Variants in FBXW11 observed in about 807,000 individuals in gnomAD.
FBXW11 encodes F-box and WD repeat domain containing 11.
FBXW11 carries 19 observed loss-of-function variants against 77.6 expected under a neutral mutation model. The ratio of observed to expected loss-of-function variants is 0.24; its 90% CI spans 0.17 to 0.36. The LOEUF (loss-of-function observed/expected upper bound fraction) is 0.36. Ranked by LOEUF, FBXW11 falls within the 10% of genes least tolerant of loss-of-function variation. The probability of loss-of-function intolerance (pLI) is 1.00; values close to 1 mark genes in which losing one functional copy is unlikely to be tolerated. For missense variants in FBXW11, 334 were observed against 704.2 expected, an observed-to-expected ratio of 0.47 and a Z score of 5.95; for synonymous variants, 235 against 249.4, an observed-to-expected ratio of 0.94 and a Z score of 0.54.
intron 3 of FBXW11, among the ~76,000 whole-genome samples, chr5:171,911,542 C>T (rs1350397856): frequency 6.6e-6 from 1 of 152,180 alleles, no homozygotes. Flanking sequence ...GTTTCAATCT[C>T]CTCCATACTT....
intron 4 of FBXW11, among the ~76,000 whole-genome samples, chr5:171,909,293 C>CA (rs1760735014): frequency 6.6e-6 from 1 of 151,906 alleles, no homozygotes; most frequent in Non-Finnish European, 1.5e-5. Flanking sequence ...TTGAGAAAAA[C>CA]AAAAAGGTGG....
At chr5:171,878,578 G>GTGTGTGTGTGTGTA (rs1758269745) in intron 7 of FBXW11, among the ~76,000 whole-genome samples, 1 of 67,836 alleles carries the variant, frequency 1.5e-5, no homozygotes, top group African/African-American at 3.7e-5. Flanking sequence ...GTGTGTGTGT[G>GTGTGTGTGTGTGTA]TGTGTGTGTG....
intron 1 of FBXW11, among the ~76,000 whole-genome samples, chr5:171,975,704 A>AG (rs1764791575): frequency 6.6e-6 from 1 of 152,226 alleles, no homozygotes; most frequent in South Asian, 2.1e-4. Context: ...TAAAAGAAAC[A>AG]GGGGGTGTAA....
At chr5:171,973,393 A>G (rs1034834551) in intron 1 of FBXW11, among the ~76,000 whole-genome samples, 7 of 152,360 alleles carry the variant, frequency 4.6e-5, no homozygotes, top group Non-Finnish European at 1.0e-4. Flanking sequence ...CTGTGACCTA[A>G]GTCTGGATCC....
chr5:171,891,467 C>CTA lies in FBXW11; in HGVS notation c.851_852insTA (p.Lys284AsnfsTer12). The stretch of plus-strand genomic sequence containing the variant: ...ATACATAAAAAATTCAGTCATTCAC[C>CTA]TTAATAGAATTATCTCGTAGGCCAC... On this transcript the variant is annotated frameshift_variant and splice_region_variant, in exon 7 of 14. Coordinates refer to ENST00000517395, the MANE Select transcript of FBXW11 (RefSeq NM_001378974.1). LOFTEE classifies it high-confidence loss of function. 6.3e-7 allele frequency: 1 copy of CTA among 1,588,906 alleles called. No homozygotes were observed. Among genetic ancestry groups the CTA allele is most frequent in the Non-Finnish European group, 8.6e-7 (1 of 1,169,580 alleles).
chr5:171,957,908 A>G (rs1411399243), intron 1 of FBXW11, among the ~76,000 whole-genome samples: 1 of 152,144 alleles, frequency 6.6e-6, no homozygotes, highest in Non-Finnish European at 1.5e-5. Context: ...GCCAACCACT[A>G]ATTTCTCAGG....
At chr5:171,930,287 A>G (rs1332856176) in intron 2 of FBXW11, among the ~76,000 whole-genome samples, 1 of 152,238 alleles carries the variant, frequency 6.6e-6, no homozygotes, top group East Asian at 1.9e-4. Flanking sequence ...AACGTGATAA[A>G]GAACACCTGC....
At position 171,987,124 on chromosome 5, in the gene FBXW11, C is replaced by T. The variant is rs563078316; in HGVS notation, c.45+19334G>A. On this transcript the variant is annotated intron_variant, in intron 1 of 13. Transcript: ENST00000517395. ...GTGGAACAGTTCCATCCCCACTCCC[C>T]GTGCCTGGTCTGTGGAAAAACTGTC... Among the ~76,000 whole-genome samples the T allele has an allele frequency of 2.0e-5, 3 of 152,296 alleles. No individual in the cohort carries two copies. In the East Asian group the frequency reaches 5.8e-4, roughly 29 times the overall value.
At chr5:171,922,557 T>C (rs1429041729) in intron 2 of FBXW11, among the ~76,000 whole-genome samples, 1 of 152,210 alleles carries the variant, frequency 6.6e-6, no homozygotes, top group African/African-American at 2.4e-5. Context: ...TATGTGCTCA[T>C]ACATTAACAC....
intron 2 of FBXW11, among the ~76,000 whole-genome samples, chr5:171,932,920 C>T (rs1762287387): frequency 7.4e-6 from 1 of 135,350 alleles, no homozygotes; most frequent in Non-Finnish European, 1.5e-5. Context: ...GACTTGAGAC[C>T]AGACTGAACA....
chr5:171,972,934 C>A (rs1220105408), intron 1 of FBXW11, among the ~76,000 whole-genome samples: 5 of 152,206 alleles, frequency 3.3e-5, no homozygotes, highest in Non-Finnish European at 7.3e-5. Context: ...GACATTCCAG[C>A]AGCCAGGTTA....
Position 172,002,414 on chromosome 5 carries a change from A to ATGTGTGTGTGTGTG in FBXW11, c.45+4030_45+4043dup, listed in dbSNP as rs55720474. Among the ~76,000 whole-genome samples the ATGTGTGTGTGTGTG allele has an allele frequency of 1.2e-3, 169 of 144,064 alleles. 2 individuals carry two copies. The highest frequency in any genetic ancestry group is 4.1e-3 in the African/African-American group (159 of 39,002). 94.5% of individuals were successfully genotyped at this position (144,064 alleles called of 152,430 possible). On this transcript the variant is annotated intron_variant, in intron 1 of 13. Transcript: ENST00000517395. The stretch of plus-strand genomic sequence containing the variant: ...AGTGAGGTCCATATATTTTATATAA[A>ATGTGTGTGTGTGTG]TGTGTGTGTGTGTGTGTGTGTGTGT...
intron 2 of FBXW11, among the ~76,000 whole-genome samples, chr5:171,952,440 TATATA>T (rs1218561966): frequency 4.1e-4 from 9 of 22,222 alleles, no homozygotes; most frequent in African/African-American, 1.0e-3. Flanking sequence ...TATATATATA[TATATA>T]TATTTTTTTT....
intron 2 of FBXW11, among the ~76,000 whole-genome samples, chr5:171,953,990 G>A (rs996915805): frequency 4.6e-5 from 7 of 152,162 alleles, no homozygotes; most frequent in Non-Finnish European, 1.0e-4. Context: ...ATGCACTAGA[G>A]CTTGGAAGGA....
chr5:172,004,724 T>C (rs1054286392), intron 1 of FBXW11, among the ~76,000 whole-genome samples: 2 of 152,178 alleles, frequency 1.3e-5, no homozygotes, highest in African/African-American at 2.4e-5. Flanking sequence ...ATATGTAATA[T>C]ACTTAGTCGA....
At chr5:171,884,768 T>C (rs1390680459) in intron 7 of FBXW11, among the ~76,000 whole-genome samples, 1 of 152,226 alleles carries the variant, frequency 6.6e-6, no homozygotes, top group East Asian at 1.9e-4. Context: ...CAGTGTTTTG[T>C]AGTTTTCCTT....
chr5:171,938,603 C>G (rs1762595384), intron 2 of FBXW11, among the ~76,000 whole-genome samples: 1 of 152,128 alleles, frequency 6.6e-6, no homozygotes, highest in African/African-American at 2.4e-5. Context: ...TAATATTTAA[C>G]AAAACTAATT....
chr5:171,969,030 G>A (rs940948423), intron 1 of FBXW11, among the ~76,000 whole-genome samples: 3 of 152,194 alleles, frequency 2.0e-5, no homozygotes, highest in African/African-American at 4.8e-5. Flanking sequence ...AGCACTCTGG[G>A]AGGCCGAGGC....
chr5:172,004,502 T>C (rs1024712543), intron 1 of FBXW11, among the ~76,000 whole-genome samples: 2 of 152,118 alleles, frequency 1.3e-5, no homozygotes, highest in Non-Finnish European at 1.5e-5. Context: ...AGGCCAAAGG[T>C]TTTTATTTTT....
Sources: allele counts gnomAD v4.1 joint callset (sites outside exome capture counted in the v4.1 genomes callset), GRCh38; gene constraint gnomAD v4.1.1; transcripts MANE v1.5; gene names NCBI Gene and HGNC (gene_info 2026-07-23, HGNC 2026-07-21).